Variants in USB1 observed in about 807,000 individuals in gnomAD.
USB1 encodes U6 snRNA biogenesis phosphodiesterase 1.
Under a neutral mutation model 29.9 loss-of-function variants are expected in USB1, and 21 were observed. The ratio of observed to expected loss-of-function variants is 0.70; its 90% CI spans 0.50 to 1.01. USB1 has a LOEUF of 1.01. USB1 is among the 50% of genes least tolerant of loss of function. USB1 has a pLI of 0.00. For missense variants in USB1, 330 were observed against 347.1 expected (o/e 0.95, Z 0.39); for synonymous variants, 143 against 134.9 (o/e 1.06, Z -0.42).
At chr16:58,019,250 T>C (rs1597056143) in intron 6 of USB1, among the ~76,000 whole-genome samples, 195 bp downstream of exon 6, 1 of 152,226 alleles carries the variant, frequency 6.6e-6, no homozygotes, top group Admixed American at 6.5e-5. Context: ...CTGAAGCTTA[T>C]TAACAACACA....
At chr16:58,012,961 C>T (rs1963533139) in intron 3 of USB1, 1 of 985,688 alleles carries the variant, frequency 1.0e-6, no homozygotes, top group Admixed American at 6.1e-5. Context: ...TTCCCTTGCT[C>T]ACTGAGAGAC....
At chr16:58,010,157 G>C (rs1963459451) in intron 3 of USB1, 45 bp downstream of exon 3, 2 of 1,610,674 alleles carry the variant, frequency 1.2e-6, no homozygotes, top group African/African-American at 2.7e-5. Flanking sequence ...CCCCTCCATG[G>C]CTTCTCCTCC....
chr16:58,011,993 C>T (rs1340123865), intron 3 of USB1: 1 of 1,119,078 alleles, frequency 8.9e-7, no homozygotes, highest in Non-Finnish European at 1.1e-6. Flanking sequence ...TCAGCAGAGC[C>T]TTTTTTCAAA....
intron 1 of USB1, 52 bp downstream of exon 1, chr16:58,001,633 A>T (rs756585839): frequency 1.9e-6 from 3 of 1,553,252 alleles, no homozygotes; most frequent in African/African-American, 1.4e-5. Flanking sequence ...CCCTAGAGCC[A>T]GACGGGACCC....
At chr16:58,000,144 C>T (rs1372820009), upstream of USB1, among the ~76,000 whole-genome samples, 1 of 152,174 alleles carries the variant, frequency 6.6e-6, no homozygotes, top group East Asian at 1.9e-4. The surrounding 1 kb of genome is among the most constrained non-coding windows in gnomAD (Gnocchi z 4.5). Context: ...GTCCTGTCAG[C>T]CCTCGTCCGG....
chr16:58,019,871 C>A (rs1349665531), intron 6 of USB1, among the ~76,000 whole-genome samples: 1 of 152,160 alleles, frequency 6.6e-6, no homozygotes, highest in East Asian at 1.9e-4. Context: ...CTAGTTTGGG[C>A]TCCGGCAGAC....
rs1963248804 is a variant in USB1, at chr16:58,002,581, CG to C, written c.206del (p.Gly69AspfsTer46). 3.1e-6 allele frequency: 5 copies of C among 1,614,044 alleles called. No homozygotes were observed. The highest frequency in any genetic ancestry group is 4.2e-6 in the Non-Finnish European group (5 of 1,180,024). On this transcript the variant is annotated frameshift_variant, in exon 2 of 7. Coordinates refer to ENST00000219281, the MANE Select transcript of USB1 (RefSeq NM_024598.4). LOFTEE classifies it high-confidence loss of function. Reference sequence around the variant, plus strand: ...GGCCTGAAGATGACAGCACAAAACACGGGGGACGGGTGCGCACCTTCCCCCA... The same window carrying C: ...GGCCTGAAGATGACAGCACAAAACACGGGGACGGGTGCGCACCTTCCCCCA... ...EGPEDDSTKHGGRVRTFPHER... is the reference protein window; with the variant it reads ...EGPEDDSTKHXGRVRTFPHER...
At chr16:58,004,259 T>C (rs1457649741) in intron 2 of USB1, among the ~76,000 whole-genome samples, 2 of 152,130 alleles carry the variant, frequency 1.3e-5, no homozygotes, top group African/African-American at 4.8e-5. Context: ...GTTGACTGTA[T>C]TGATGTGGGT....
At chr16:58,017,512 C>T (rs573720738) in intron 5 of USB1, 73 bp downstream of exon 5, 58 of 1,408,150 alleles carry the variant, frequency 4.1e-5, no homozygotes, top group Non-Finnish European at 4.9e-5. Context: ...AAGAAGCCCT[C>T]GTAAGAGGCA....
chr16:58,009,213 G>A (rs544457346), intron 2 of USB1, among the ~76,000 whole-genome samples: 1 of 152,306 alleles, frequency 6.6e-6, no homozygotes, highest in East Asian at 1.9e-4. Context: ...CTGTAGTCCT[G>A]TGATTGGGTG....
At chr16:58,019,083 G>T in intron 6 of USB1, 28 bp downstream of exon 6, 1 of 1,610,178 alleles carries the variant, frequency 6.2e-7, no homozygotes, top group South Asian at 1.1e-5. Flanking sequence ...GAGCACAGAG[G>T]GCGCTGAACT....
chr16:58,012,465 C>A, intron 3 of USB1: 1 of 1,160,840 alleles, frequency 8.6e-7, no homozygotes. Context: ...TGGCACCTGA[C>A]TGTCACCACC....
chr16:58,020,645 CTTCCTCTCCTCTCTCTT>C lies in USB1; in HGVS notation c.*401_*417del. On this transcript the variant is annotated 3_prime_UTR_variant, in exon 7 of 7. Coordinates refer to ENST00000219281, the MANE Select transcript of USB1 (RefSeq NM_024598.4). ...TCCTCTCTCTTCCTCTCCTCTCTCT[CTTCCTCTCCTCTCTCTT>C]CCCTTCCTGTCTCTCTTCCCCTCCT... 3.3e-6 allele frequency: 1 copy of C among 303,858 alleles called. No homozygotes were observed. Among genetic ancestry groups the C allele is most frequent in the South Asian group, 2.9e-5 (1 of 34,146 alleles). The allele number at this position is 303,858 out of a possible 1,614,324, so 18.8% of individuals were successfully genotyped here.
intron 2 of USB1, among the ~76,000 whole-genome samples, chr16:58,003,786 G>A (rs981352572): frequency 6.6e-6 from 1 of 151,912 alleles, no homozygotes; most frequent in African/African-American, 2.4e-5. Context: ...TATGATGTGG[G>A]TCTAATATTG....
In USB1 at chr16:58,002,554, G is replaced by A; in HGVS notation, c.174G>A (p.Glu58=). Residue 58 remains glutamate (E), a synonymous_variant, in exon 2 of 7, where the codon GAG becomes GAA. Transcript: ENST00000219281. The part of the protein sequence containing the change: ...SVLNMFPGTE[E]GPEDDSTKHG... Reference sequence around the variant, plus strand: ...TGAACATGTTCCCGGGCACCGAGGAGGGGCCTGAAGATGACAGCACAAAAC... The same window carrying A: ...TGAACATGTTCCCGGGCACCGAGGAAGGGCCTGAAGATGACAGCACAAAAC... 6.2e-7 allele frequency: 1 copy of A among 1,614,102 alleles called. No individual in the cohort carries two copies. The highest frequency in any genetic ancestry group is 8.5e-7 in the Non-Finnish European group (1 of 1,180,010).
At chr16:58,005,778 C>A (rs1963337008) in intron 2 of USB1, among the ~76,000 whole-genome samples, 1 of 152,134 alleles carries the variant, frequency 6.6e-6, no homozygotes. Context: ...TCTTTGATTT[C>A]TTTCATCAGA....
In USB1 at chr16:58,001,541, G is replaced by A. The variant is rs1227473466; in HGVS notation, c.58G>A (p.Asp20Asn). The A allele has an allele frequency of 1.2e-6, 2 of 1,609,644 alleles. No individual in the cohort carries two copies. Among genetic ancestry groups the A allele is most frequent in the Non-Finnish European group, 1.7e-6 (2 of 1,178,550 alleles). ...SSSGSEDESE[D>N]GMRTRPGDGS... ...CAGCGGCTCCGAGGATGAGTCCGAGGACGGGATGCGGACCAGGCCGGGGGA... is the reference window on the plus strand; with the variant it reads ...CAGCGGCTCCGAGGATGAGTCCGAGAACGGGATGCGGACCAGGCCGGGGGA... Residue 20 changes from aspartate (D) to asparagine (N), a missense_variant, in exon 1 of 7, where the codon GAC becomes AAC. Transcript: ENST00000219281.
intron 2 of USB1, among the ~76,000 whole-genome samples, chr16:58,006,144 G>A (rs1963347421): frequency 6.6e-6 from 1 of 151,028 alleles, no homozygotes; most frequent in South Asian, 2.1e-4. Flanking sequence ...CCTGAGGTTG[G>A]GAGTTCAAGA....
intron 2 of USB1, among the ~76,000 whole-genome samples, chr16:58,006,527 C>T (rs1442177112): frequency 2.0e-5 from 3 of 151,098 alleles, no homozygotes; most frequent in Non-Finnish European, 4.4e-5. Flanking sequence ...GGCATGGTGG[C>T]ACATGCCTGT....
Sources: gnomAD v4.1 joint callset for allele counts (sites outside exome capture counted in the v4.1 genomes callset) on GRCh38, gnomAD v4.1.1 for gene constraint, Gnocchi (gnomAD v3.1) non-coding constraint, MANE v1.5 for transcripts, NCBI Gene and HGNC (gene_info 2026-07-23, HGNC 2026-07-21) for gene names.